The following RNF38 variants were observed in gnomAD, a reference collection of about 807,000 sequenced individuals.
RNF38 encodes the protein ring finger protein 38, also known as E3 ubiquitin-protein ligase RNF38.
RNF38 carries 15 observed loss-of-function variants against 67.2 expected under a neutral mutation model. That is an observed-to-expected ratio of 0.22 (90% CI 0.15 to 0.34). The LOEUF (loss-of-function observed/expected upper bound fraction) is 0.34, where lower values mean the gene tolerates loss of function less well. RNF38 is among the 10% of genes least tolerant of loss of function. The pLI, the probability that RNF38 is intolerant of heterozygous loss-of-function variation, is 1.00. For synonymous variants in RNF38, 220 were observed against 218.8 expected (o/e 1.01, Z -0.05); for missense variants, 524 against 639.9 (o/e 0.82, Z 1.95).
intron 1 of RNF38, among the ~76,000 whole-genome samples, chr9:36,486,234 TC>T (rs1314516151): frequency 2.0e-5 from 3 of 152,116 alleles, no homozygotes; most frequent in Non-Finnish European, 4.4e-5. Context: ...GCAAGTCCTT[TC>T]CCCTTCCAAG....
intron 1 of RNF38, among the ~76,000 whole-genome samples, chr9:36,449,444 C>CT (rs532834295): frequency 1.0e-4 from 15 of 149,622 alleles, no homozygotes; most frequent in East Asian, 2.0e-4. Flanking sequence ...CTTTTTTTTC[C>CT]TTTTTTTTTG....
intron 1 of RNF38, among the ~76,000 whole-genome samples, chr9:36,477,216 C>T (rs567622773): frequency 6.7e-6 from 1 of 150,282 alleles, no homozygotes; most frequent in Non-Finnish European, 1.5e-5. Context: ...TCCAGCCACT[C>T]GGGAGGCTGA....
intron 2 of RNF38, among the ~76,000 whole-genome samples, chr9:36,407,251 C>T (rs1468966892): frequency 6.6e-6 from 1 of 152,166 alleles, no homozygotes; most frequent in African/African-American, 2.4e-5. Flanking sequence ...TCACCCAAAT[C>T]GAAGTCCACT....
chr9:36,418,057 T>G (rs1218393205), intron 2 of RNF38, among the ~76,000 whole-genome samples: 2 of 151,870 alleles, frequency 1.3e-5, no homozygotes, highest in Non-Finnish European at 2.9e-5. Flanking sequence ...GATTTTTTTT[T>G]TTTTTTTGGA....
intron 1 of RNF38, among the ~76,000 whole-genome samples, chr9:36,393,230 T>G (rs1277263931): frequency 1.3e-5 from 2 of 152,170 alleles, no homozygotes; most frequent in African/African-American, 4.8e-5. Flanking sequence ...TTTGAAATCT[T>G]AAGATCTTGG....
At chr9:36,473,655 T>A (rs562088305) in intron 1 of RNF38, among the ~76,000 whole-genome samples, 2 of 152,156 alleles carry the variant, frequency 1.3e-5, no homozygotes, top group African/African-American at 2.4e-5. Flanking sequence ...ATGCAGGTAC[T>A]CCTACTCCTG....
intron 1 of RNF38, among the ~76,000 whole-genome samples, chr9:36,464,437 G>A (rs553390285): frequency 6.6e-6 from 1 of 152,124 alleles, no homozygotes; most frequent in Non-Finnish European, 1.5e-5. Flanking sequence ...CAGGTGTGGT[G>A]GCGCACACCT....
intron 1 of RNF38, among the ~76,000 whole-genome samples, chr9:36,484,352 C>T (rs1390537795): frequency 2.0e-5 from 3 of 152,172 alleles, no homozygotes; most frequent in Non-Finnish European, 4.4e-5. Flanking sequence ...AAAGGATCAC[C>T]AGCCTGCATG....
rs768321767 is a variant in RNF38, at chr9:36,390,585, G to A, written c.44C>T (p.Pro15Leu). ...ISPGANSASLPGHPNKVICER... is the reference protein window; with the variant it reads ...ISPGANSASLLGHPNKVICER... Reference sequence around the variant, plus strand: ...ACAAATCACCTTGTTAGGATGGCCAGGTAGAGATGCTGAATTGGCCCCGGG... The same window carrying A: ...ACAAATCACCTTGTTAGGATGGCCAAGTAGAGATGCTGAATTGGCCCCGGG... The change falls in exon 2 of 12, where the codon CCT becomes CTT. Residue 15 changes from proline to leucine, a missense_variant. This residue lies in a region of RNF38 where 461 missense variants were observed against 517.4 expected (regional missense o/e 0.89). Transcript: ENST00000259605. 1 of 1,614,106 alleles carries A rather than the reference G, an allele frequency of 6.2e-7. No homozygotes were observed.
chr9:36,400,882 C>G, upstream of RNF38: 2 of 984,862 alleles, frequency 2.0e-6, no homozygotes, highest in Non-Finnish European at 2.4e-6. Flanking sequence ...ACTAGGGGCC[C>G]GGCCCGGCCA....
intron 1 of RNF38, among the ~76,000 whole-genome samples, chr9:36,476,733 G>A (rs1339782789): frequency 6.6e-6 from 1 of 151,602 alleles, no homozygotes; most frequent in Non-Finnish European, 1.5e-5. Flanking sequence ...TCACCATGTT[G>A]GCCAGGCTGG....
upstream of RNF38, among the ~76,000 whole-genome samples, chr9:36,404,430 A>G (rs1300046505): frequency 6.6e-6 from 1 of 152,208 alleles, no homozygotes; most frequent in Non-Finnish European, 1.5e-5. Context: ...TTAGAATCAA[A>G]TTATTTCAAA....
At chr9:36,356,569 T>G (rs924111322) in intron 5 of RNF38, 96 bp from the exon 6 acceptor site, 2 of 1,009,624 alleles carry the variant, frequency 2.0e-6, no homozygotes, top group African/African-American at 3.3e-5. Context: ...GTCACACCTC[T>G]CCCAAAATCA....
chr9:36,378,413 T>C lies in RNF38; in HGVS notation c.163-2286A>G, dbSNP rs137993704. ...GGATGGTCTTGATCTCCTGACCTCA[T>C]GATCTGCCCATCTCGGCCTCCCAAA... On this transcript the variant is annotated intron_variant, in intron 2 of 11. Transcript: ENST00000259605. Among the ~76,000 whole-genome samples the C allele has an allele frequency of 5.5e-3, 842 of 152,252 alleles. 9 individuals are homozygous for C. The highest frequency in any genetic ancestry group is 0.019 in the African/African-American group (799 of 41,542).
At chr9:36,463,321 T>C (rs374042858) in intron 1 of RNF38, among the ~76,000 whole-genome samples, 4 of 152,154 alleles carry the variant, frequency 2.6e-5, no homozygotes, top group African/African-American at 4.8e-5. Context: ...CCGCACATTA[T>C]GAAGTAATAA....
At chr9:36,358,033 C>G in intron 4 of RNF38, 91 bp from the exon 5 acceptor site, 1 of 987,328 alleles carries the variant, frequency 1.0e-6, no homozygotes, top group East Asian at 2.4e-5. Flanking sequence ...ATTGGCTCCT[C>G]TCTCAGCTAC....
intron 10 of RNF38, among the ~76,000 whole-genome samples, chr9:36,343,521 C>A (rs1832998384): frequency 6.6e-6 from 1 of 152,008 alleles, no homozygotes; most frequent in Non-Finnish European, 1.5e-5. Context: ...AGATCATTAG[C>A]CATCAGGGAA....
At chr9:36,439,277 G>A (rs1587138264) in intron 1 of RNF38, among the ~76,000 whole-genome samples, 1 of 152,330 alleles carries the variant, frequency 6.6e-6, no homozygotes, top group East Asian at 1.9e-4. Flanking sequence ...ACCTAGATGT[G>A]AGATGTGAAA....
intron 1 of RNF38, 133 bp from the exon 2 acceptor site, chr9:36,390,749 A>C (rs1837017457): frequency 1.0e-6 from 1 of 954,080 alleles, no homozygotes; most frequent in Non-Finnish European, 1.6e-6. Context: ...GAAATTAAAA[A>C]TTAATTTTAA....
Sources: gnomAD v4.1 joint callset for allele counts (sites outside exome capture counted in the v4.1 genomes callset) on GRCh38, gnomAD v4.1.1 for gene constraint, gnomAD v4.1.1 regional missense constraint, MANE v1.5 for transcripts, NCBI Gene and HGNC (gene_info 2026-07-23, HGNC 2026-07-21) for gene names.